Variants in PPM1E observed in about 807,000 individuals in gnomAD.
The protein encoded by PPM1E is protein phosphatase, Mg2+/Mn2+ dependent 1E.
A neutral mutation model predicts 65.9 loss-of-function variants in PPM1E; 20 were observed. That is an observed-to-expected ratio of 0.30 (90% CI 0.21 to 0.44). The LOEUF (loss-of-function observed/expected upper bound fraction) is 0.44. Ranked by LOEUF, PPM1E falls within the 20% of genes least tolerant of loss-of-function variation. PPM1E has a pLI of 1.00. For synonymous variants in PPM1E, 352 were observed against 374.9 expected (o/e 0.94, Z 0.70); for missense variants, 713 against 953.1 (o/e 0.75, Z 3.32).
intron 1 of PPM1E, among the ~76,000 whole-genome samples, chr17:58,761,198 G>C (rs578008066): frequency 4.4e-4 from 67 of 152,258 alleles, no homozygotes; most frequent in African/African-American, 1.6e-3. Flanking sequence ...TTGCATGGTT[G>C]AACTCAGTTT....
intron 1 of PPM1E, among the ~76,000 whole-genome samples, chr17:58,825,387 T>C (rs1398199894): frequency 6.6e-6 from 1 of 152,018 alleles, no homozygotes; most frequent in Non-Finnish European, 1.5e-5. Context: ...CTCGGCAATA[T>C]TAGTGAGACT....
chr17:58,962,854 AG>A (rs1567890292), intron 2 of PPM1E, among the ~76,000 whole-genome samples: 1 of 150,954 alleles, frequency 6.6e-6, no homozygotes, highest in Non-Finnish European at 1.5e-5. Context: ...CTGAGGTGGG[AG>A]GATCACTTGA....
chr17:58,947,047 T>C (rs2052161404), intron 1 of PPM1E, among the ~76,000 whole-genome samples: 1 of 151,346 alleles, frequency 6.6e-6, no homozygotes, highest in Non-Finnish European at 1.5e-5. Context: ...TGCATGTGGA[T>C]ATCCAATTTT....
intron 1 of PPM1E, among the ~76,000 whole-genome samples, chr17:58,818,331 A>T (rs1220521741): frequency 6.6e-6 from 1 of 152,210 alleles, no homozygotes; most frequent in Non-Finnish European, 1.5e-5. Context: ...CTGTGGTCAC[A>T]CAAGTAACAA....
intron 1 of PPM1E, among the ~76,000 whole-genome samples, chr17:58,821,998 A>G (rs1157984331): frequency 6.6e-6 from 1 of 152,208 alleles, no homozygotes; most frequent in African/African-American, 2.4e-5. Context: ...ATCAAGGAAA[A>G]AGCAAAATAT....
chr17:58,892,319 A>C (rs1191050116), intron 1 of PPM1E, among the ~76,000 whole-genome samples: 1 of 152,116 alleles, frequency 6.6e-6, no homozygotes, highest in African/African-American at 2.4e-5. Context: ...CATGCCTATA[A>C]TCCTAGCAAT....
intron 6 of PPM1E, 140 bp downstream of exon 6, chr17:58,973,065 G>A (rs1221556572): frequency 1.2e-5 from 7 of 591,708 alleles, no homozygotes; most frequent in South Asian, 4.1e-5. Flanking sequence ...ATTGGATAAC[G>A]TCTCTTTTAA....
At chr17:58,962,067 C>CT (rs1261410570) in intron 2 of PPM1E, among the ~76,000 whole-genome samples, 1 of 152,012 alleles carries the variant, frequency 6.6e-6, no homozygotes, top group African/African-American at 2.4e-5. Flanking sequence ...AGTGGATCAC[C>CT]TGAGGTCAGG....
chr17:58,964,539 G>C (rs1057069735), intron 2 of PPM1E, among the ~76,000 whole-genome samples: 6 of 152,120 alleles, frequency 3.9e-5, no homozygotes, highest in Admixed American at 1.3e-4. Context: ...TGAAGTGGTA[G>C]ACATAGGTGA....
At chr17:58,774,364 A>G (rs181989741) in intron 1 of PPM1E, among the ~76,000 whole-genome samples, 22 of 152,180 alleles carry the variant, frequency 1.4e-4, no homozygotes, top group Admixed American at 7.2e-4. Flanking sequence ...TTCAGTGCAA[A>G]TTTTTCTTTA....
intron 1 of PPM1E, among the ~76,000 whole-genome samples, chr17:58,847,048 T>G (rs2050778746): frequency 6.6e-6 from 1 of 152,170 alleles, no homozygotes. Context: ...TCATGTGTCT[T>G]TTGGCTGCAT....
chr17:58,784,327 T>C (rs2050077792), intron 1 of PPM1E, among the ~76,000 whole-genome samples: 1 of 151,588 alleles, frequency 6.6e-6, no homozygotes, highest in South Asian at 2.1e-4. Context: ...CCGGTCCTTG[T>C]ATAGTGTCTG....
chr17:58,758,492 C>T (rs2049791212), intron 1 of PPM1E, among the ~76,000 whole-genome samples: 1 of 149,210 alleles, frequency 6.7e-6, no homozygotes, highest in Admixed American at 6.7e-5. Context: ...TGTGCCAGTG[C>T]ACTCCAGCCT....
chr17:58,895,380 A>G (rs11650809), intron 1 of PPM1E, among the ~76,000 whole-genome samples: 57,175 of 152,050 alleles, frequency 0.38, 10,973 homozygotes, highest in Middle Eastern at 0.51. Flanking sequence ...GAAATGATTA[A>G]GTTTAGTGAG....
intron 1 of PPM1E, among the ~76,000 whole-genome samples, chr17:58,762,982 A>C (rs1483650180): frequency 6.6e-6 from 1 of 151,890 alleles, no homozygotes; most frequent in Non-Finnish European, 1.5e-5. Flanking sequence ...ATCCATGTAG[A>C]TCTAGTTCTT....
chr17:58,779,026 C>T (rs117224287), intron 1 of PPM1E, among the ~76,000 whole-genome samples: 1,622 of 145,674 alleles, frequency 0.011, 13 homozygotes, highest in Middle Eastern at 0.044. Flanking sequence ...AATCATTAAA[C>T]GTTCCTTGAA....
rs1555612285 is a variant in PPM1E, at chr17:58,825,264, A to AC, written c.464+68803_464+68804insC. On this transcript the variant is annotated intron_variant, in intron 1 of 6. Transcript: ENST00000308249. ...CACACACACACACACACACACACAC[A>AC]AAAATAAATAGAATGAAATATCTGG... 2.0e-3 allele frequency among the ~76,000 whole-genome samples: 279 copies of AC among 142,794 alleles called. 1 individual carries two copies. Among genetic ancestry groups the AC allele is most frequent in the South Asian group, 0.014 (65 of 4,538 alleles). The allele number at this position is 142,794 out of a possible 152,430, so 93.7% of individuals were successfully genotyped here.
At chr17:58,816,755 TA>T (rs2050420418) in intron 1 of PPM1E, among the ~76,000 whole-genome samples, 1 of 4,964 alleles carries the variant, frequency 2.0e-4, no homozygotes, top group African/African-American at 1.4e-3. Flanking sequence ...TATATATATA[TA>T]TATATATATA....
Position 58,896,332 on chromosome 17 carries a change from C to A in PPM1E, c.465-59317C>A, listed in dbSNP as rs142581237. On this transcript the variant is annotated intron_variant, in intron 1 of 6. Coordinates refer to ENST00000308249, the MANE Select transcript of PPM1E (RefSeq NM_014906.5). ...GGGCATGGTGGCTCATGCTTGTAATCCCAACACTTTGGGAGGCTGAGGTGG... is the reference window on the plus strand; with the variant it reads ...GGGCATGGTGGCTCATGCTTGTAATACCAACACTTTGGGAGGCTGAGGTGG... Among the ~76,000 whole-genome samples the A allele has an allele frequency of 2.2e-4, 33 of 152,138 alleles. 1 individual carries two copies. The East Asian group carries it at 6.2e-3, about 29-fold the overall frequency.
Sources: allele counts gnomAD v4.1 joint callset (sites outside exome capture counted in the v4.1 genomes callset), GRCh38; gene constraint gnomAD v4.1.1; transcripts MANE v1.5; gene names NCBI Gene and HGNC (gene_info 2026-07-23, HGNC 2026-07-21).